Variants in ADGRL2 observed in about 807,000 individuals in gnomAD.
ADGRL2 encodes the protein calcium-independent alpha-latrotoxin receptor 2.
In ADGRL2, 44 loss-of-function variants were observed where a neutral mutation model predicts 157.4. The observed-to-expected ratio is 0.28, with a 90% confidence interval of 0.22 to 0.36. ADGRL2 has a LOEUF of 0.36. ADGRL2 is among the 10% of genes least tolerant of loss of function. The probability of loss-of-function intolerance (pLI) is 1.00; values close to 1 mark genes in which losing one functional copy is unlikely to be tolerated. For missense variants in ADGRL2, 1,510 were observed against 1,768.9 expected, an observed-to-expected ratio of 0.85 and a Z score of 2.63; for synonymous variants, 585 against 624.7, an observed-to-expected ratio of 0.94 and a Z score of 0.95.
In ADGRL2 at chr1:81,849,676, G is replaced by A. The variant is rs143124614; in HGVS notation, c.73+12619G>A. Reference sequence around the variant, plus strand: ...AAATACTATTTTGGTCTTTTAGGACGATTGACTTTCCTGTAATACTGATAA... The same window carrying A: ...AAATACTATTTTGGTCTTTTAGGACAATTGACTTTCCTGTAATACTGATAA... On this transcript the variant is annotated intron_variant, in intron 2 of 23. Transcript: ENST00000686636. Among the ~76,000 whole-genome samples the A allele has an allele frequency of 7.8e-4, 118 of 151,920 alleles. 1 individual carries two copies. Among genetic ancestry groups the A allele is most frequent in the African/African-American group, 2.7e-3 (113 of 41,520 alleles).
chr1:81,550,855 A>G (rs2080129337), intron 2 of ADGRL2, among the ~76,000 whole-genome samples: 1 of 152,062 alleles, frequency 6.6e-6, no homozygotes, highest in South Asian at 2.1e-4. Context: ...ATTACTGCCT[A>G]TATTCAGATG....
intron 15 of ADGRL2, 41 bp from the exon 16 acceptor site, chr1:81,970,273 C>T: frequency 7.3e-7 from 1 of 1,369,960 alleles, no homozygotes; most frequent in South Asian, 1.2e-5. Context: ...TATTTTTATT[C>T]ATGAGTTTTC....
chr1:81,556,212 CAA>C (rs1302522764), intron 2 of ADGRL2, among the ~76,000 whole-genome samples: 4 of 151,290 alleles, frequency 2.6e-5, no homozygotes, highest in Non-Finnish European at 5.9e-5. Flanking sequence ...AGTCTTGAAA[CAA>C]GAGCGAATTT....
At position 81,794,838 on chromosome 1, in the gene ADGRL2, A is replaced by T. The variant is rs141757513; in HGVS notation, c.-101+32986A>T. Among the ~76,000 whole-genome samples, 4 of 152,338 alleles carry T rather than the reference A, an allele frequency of 2.6e-5. No individual in the cohort carries two copies. The East Asian group carries it at 7.7e-4, about 29-fold the overall frequency. On this transcript the variant is annotated intron_variant, in intron 2 of 20. Coordinates refer to the ADGRL2 transcript ENST00000359929. ...AACTATGTTGATGGGAATTAGGTTT[A>T]TAACACATTATTTTACATTGCAAAC...
intron 1 of ADGRL2, among the ~76,000 whole-genome samples, chr1:81,725,118 T>C (rs987406570): frequency 1.3e-4 from 20 of 150,166 alleles, no homozygotes; most frequent in Non-Finnish European, 2.8e-4. Context: ...GGCAGAAGAA[T>C]TGCTTGAACC....
chr1:81,768,954 G>T (rs957856977), intron 2 of ADGRL2, among the ~76,000 whole-genome samples: 1 of 152,046 alleles, frequency 6.6e-6, no homozygotes, highest in Middle Eastern at 3.2e-3. Context: ...GCGCACTGGT[G>T]TGCACCTGTA....
At chr1:81,427,018 C>T in intron 1 of ADGRL2, 1 of 1,019,636 alleles carries the variant, frequency 9.8e-7, no homozygotes, top group South Asian at 1.3e-5. Flanking sequence ...AGAAATACCA[C>T]AGTTGATAAC....
chr1:81,349,931 A>C (rs1381390875), intron 1 of ADGRL2, among the ~76,000 whole-genome samples: 2 of 152,064 alleles, frequency 1.3e-5, no homozygotes, highest in Non-Finnish European at 2.9e-5. Context: ...CCAGTCAAGA[A>C]AGCACTTTAC....
intron 2 of ADGRL2, among the ~76,000 whole-genome samples, chr1:81,888,847 T>C (rs187021392): frequency 3.3e-5 from 5 of 152,362 alleles, no homozygotes; most frequent in East Asian, 1.9e-4. Flanking sequence ...TTCATGTGTC[T>C]GTGTCACATT....
At chr1:81,677,342 T>C (rs2083018008) in intron 3 of ADGRL2, among the ~76,000 whole-genome samples, 1 of 152,202 alleles carries the variant, frequency 6.6e-6, no homozygotes, top group Admixed American at 6.5e-5. Flanking sequence ...CCTTGTGATC[T>C]AGTTGAGAGA....
chr1:81,857,353 A>G (rs1293446770), intron 2 of ADGRL2, among the ~76,000 whole-genome samples: 5 of 152,228 alleles, frequency 3.3e-5, no homozygotes, highest in Admixed American at 1.3e-4. Context: ...CAACGCATAT[A>G]TATGTAAAAA....
At chr1:81,630,535 G>T (rs1206922203) in intron 3 of ADGRL2, among the ~76,000 whole-genome samples, 1 of 152,026 alleles carries the variant, frequency 6.6e-6, no homozygotes, top group Non-Finnish European at 1.5e-5. Flanking sequence ...AGGAAAAGTG[G>T]TTATTTCCAT....
At chr1:81,667,341 C>G (rs1484203887) in intron 3 of ADGRL2, among the ~76,000 whole-genome samples, 1 of 152,158 alleles carries the variant, frequency 6.6e-6, no homozygotes, top group Admixed American at 6.5e-5. Context: ...GCTTATAACA[C>G]TTTTTTCCTG....
At chr1:81,719,345 A>G (rs996265410) in intron 1 of ADGRL2, among the ~76,000 whole-genome samples, 1 of 152,192 alleles carries the variant, frequency 6.6e-6, no homozygotes, top group Non-Finnish European at 1.5e-5. Context: ...CTATGAATTA[A>G]AGCTTCCTAC....
intron 1 of ADGRL2, among the ~76,000 whole-genome samples, chr1:81,405,878 C>G (rs899903847): frequency 2.0e-5 from 3 of 151,814 alleles, no homozygotes; most frequent in Non-Finnish European, 4.4e-5. Flanking sequence ...ATTTCATTTC[C>G]TTTTAAAATC....
intron 2 of ADGRL2, among the ~76,000 whole-genome samples, chr1:81,528,846 CT>C (rs2079535081): frequency 1.3e-5 from 2 of 152,200 alleles, no homozygotes; most frequent in East Asian, 3.9e-4. Context: ...AATTTTAACT[CT>C]ATCTTGAAGG....
intron 1 of ADGRL2, among the ~76,000 whole-genome samples, chr1:81,373,430 C>CTTAA (rs1185216148): frequency 6.6e-6 from 1 of 152,054 alleles, no homozygotes; most frequent in Non-Finnish European, 1.5e-5. Flanking sequence ...TTCAAAAAGG[C>CTTAA]TTAATAACAG....
intron 3 of ADGRL2, among the ~76,000 whole-genome samples, chr1:81,660,872 T>A (rs968107277): frequency 6.6e-6 from 1 of 152,200 alleles, no homozygotes; most frequent in Non-Finnish European, 1.5e-5. Context: ...TACTTGGGTC[T>A]TGCAAGGCAT....
intron 2 of ADGRL2, among the ~76,000 whole-genome samples, chr1:81,521,387 A>C (rs1323040785): frequency 6.6e-6 from 1 of 152,176 alleles, no homozygotes; most frequent in Non-Finnish European, 1.5e-5. Flanking sequence ...ATACAGGTAA[A>C]ATTATGATTT....
Sources: allele counts gnomAD v4.1 joint callset (sites outside exome capture counted in the v4.1 genomes callset), GRCh38; gene constraint gnomAD v4.1.1; transcripts MANE v1.5; gene names NCBI Gene and HGNC (gene_info 2026-07-23, HGNC 2026-07-21).